The following COMMD1 variants were observed in gnomAD, a reference collection of about 807,000 sequenced individuals.
COMMD1 encodes the protein copper metabolism domain containing 1.
A neutral mutation model predicts 17.2 loss-of-function variants in COMMD1; 10 were observed. The observed-to-expected ratio is 0.58, with a 90% CI of 0.36 to 0.99. The LOEUF is 0.99. Among genes scored for constraint, COMMD1 ranks in the 50% least tolerant of loss-of-function variants. The probability of loss-of-function intolerance (pLI) is 0.01; values close to 1 mark genes in which losing one functional copy is unlikely to be tolerated. For synonymous variants in COMMD1, 97 were observed against 91.6 expected (o/e 1.06, Z -0.34); for missense variants, 270 against 231.8 (o/e 1.17, Z -1.07).
chr2:61,925,187 G>C (rs1257014243), intron 1 of COMMD1, among the ~76,000 whole-genome samples: 1 of 151,662 alleles, frequency 6.6e-6, no homozygotes, highest in Non-Finnish European at 1.5e-5. Flanking sequence ...AGGGGAGGGA[G>C]AGAGTGGGGG....
chr2:62,075,050 C>G (rs1052634564), intron 2 of COMMD1, among the ~76,000 whole-genome samples: 2 of 151,830 alleles, frequency 1.3e-5, no homozygotes, highest in African/African-American at 4.8e-5. Flanking sequence ...CCACCACACC[C>G]AGCTAATTTT....
At chr2:61,925,257 A>G (rs941828797) in intron 1 of COMMD1, among the ~76,000 whole-genome samples, 9 of 152,018 alleles carry the variant, frequency 5.9e-5, no homozygotes, top group South Asian at 2.1e-4. Flanking sequence ...TTTTGGCACC[A>G]TAATGTAAGG....
chr2:61,917,957 C>G (rs1366482734), intron 1 of COMMD1, among the ~76,000 whole-genome samples: 1 of 152,178 alleles, frequency 6.6e-6, no homozygotes, highest in Non-Finnish European at 1.5e-5. Context: ...CTTTTGACTT[C>G]TTAGGTCATA....
intron 2 of COMMD1, among the ~76,000 whole-genome samples, chr2:62,077,045 C>T (rs1345759531): frequency 2.0e-5 from 3 of 152,124 alleles, no homozygotes; most frequent in East Asian, 1.9e-4. Context: ...GTGGCAAGAT[C>T]GTTTGAGCCT....
intron 2 of COMMD1, among the ~76,000 whole-genome samples, chr2:62,071,102 T>G (rs960284029): frequency 2.0e-5 from 3 of 152,202 alleles, no homozygotes; most frequent in African/African-American, 7.2e-5. Context: ...CTGCTTATTC[T>G]TATTGTTACT....
chr2:62,056,532 G>A (rs912076489), intron 2 of COMMD1, among the ~76,000 whole-genome samples: 1 of 152,184 alleles, frequency 6.6e-6, no homozygotes, highest in African/African-American at 2.4e-5. Flanking sequence ...GGAGAATGAC[G>A]ACTGTGTTTA....
intron 1 of COMMD1, among the ~76,000 whole-genome samples, chr2:61,919,272 A>G (rs1214963006): frequency 6.6e-6 from 1 of 152,090 alleles, no homozygotes; most frequent in East Asian, 1.9e-4. Flanking sequence ...TCGGCCTCCC[A>G]AAGTGCTGGG....
At chr2:61,923,008 T>C (rs1429973416) in intron 1 of COMMD1, among the ~76,000 whole-genome samples, 5 of 152,224 alleles carry the variant, frequency 3.3e-5, no homozygotes, top group Admixed American at 6.5e-5. Context: ...TAGACTTGGG[T>C]AATGTGGAAG....
chr2:62,115,832 TTTTCTTTC>T (rs772454952), intron 2 of COMMD1, among the ~76,000 whole-genome samples: 5,110 of 134,900 alleles, frequency 0.038, 340 homozygotes, highest in African/African-American at 0.083. Flanking sequence ...TGGGTTTTTT[TTTTCTTTC>T]TTTCTTTCTT....
chr2:62,130,154 C>CA (rs531499822), intron 2 of COMMD1, among the ~76,000 whole-genome samples: 8,404 of 88,920 alleles, frequency 0.095, 316 homozygotes, highest in African/African-American at 0.14. Context: ...GACTCTGTCT[C>CA]AAAAAAAAAA....
chr2:62,095,985 C>T (rs114852532), intron 2 of COMMD1, among the ~76,000 whole-genome samples: 1,677 of 150,162 alleles, frequency 0.011, 33 homozygotes, highest in African/African-American at 0.04. Context: ...CACACACATG[C>T]TCGTGTATGT....
chr2:62,109,997 T>G (rs915270516), intron 2 of COMMD1, among the ~76,000 whole-genome samples: 5 of 135,838 alleles, frequency 3.7e-5, no homozygotes, highest in African/African-American at 1.1e-4. Context: ...ACTCCTGACC[T>G]CAAGTGATCC....
chr2:61,961,570 A>C (rs1242210024), intron 1 of COMMD1, among the ~76,000 whole-genome samples: 1 of 152,198 alleles, frequency 6.6e-6, no homozygotes, highest in Non-Finnish European at 1.5e-5. Context: ...TCTTTGAAAA[A>C]GAAGTTTCCC....
At chr2:62,001,600 A>G (rs1407478067) in intron 2 of COMMD1, among the ~76,000 whole-genome samples, 2 of 152,140 alleles carry the variant, frequency 1.3e-5, no homozygotes, top group East Asian at 1.9e-4. Flanking sequence ...GCCAGCTCAG[A>G]CTTTTAATGA....
chr2:62,092,650 T>G (rs963695634), intron 2 of COMMD1, among the ~76,000 whole-genome samples: 2 of 152,196 alleles, frequency 1.3e-5, no homozygotes, highest in African/African-American at 2.4e-5. Flanking sequence ...CCGTGGTCTT[T>G]GGGGTCGTCA....
At chr2:61,949,896 C>T (rs2103663265) in intron 1 of COMMD1, among the ~76,000 whole-genome samples, 1 of 152,292 alleles carries the variant, frequency 6.6e-6, no homozygotes, top group Non-Finnish European at 1.5e-5. Context: ...TGGCTGCCTG[C>T]CTGCAGACAT....
intron 2 of COMMD1, among the ~76,000 whole-genome samples, chr2:62,091,322 C>T (rs878887444): frequency 6.6e-6 from 1 of 152,200 alleles, no homozygotes; most frequent in Admixed American, 6.5e-5. Flanking sequence ...AAGAATGTCT[C>T]TCCTCATTAG....
chr2:62,054,513 C>T (rs10200965), intron 2 of COMMD1, among the ~76,000 whole-genome samples: 12,784 of 152,026 alleles, frequency 0.084, 1,300 homozygotes, highest in African/African-American at 0.24. Flanking sequence ...ACTATTTAAG[C>T]CAGAAAGAAG....
intron 1 of COMMD1, among the ~76,000 whole-genome samples, chr2:61,969,971 A>G (rs1437528733): frequency 6.6e-6 from 1 of 152,084 alleles, no homozygotes; most frequent in East Asian, 1.9e-4. Context: ...GAGAATAATC[A>G]TAGCGCTGGG....
Sources: allele counts gnomAD v4.1 joint callset (sites outside exome capture counted in the v4.1 genomes callset), GRCh38; gene constraint gnomAD v4.1.1; transcripts MANE v1.5; gene names NCBI Gene and HGNC (gene_info 2026-07-23, HGNC 2026-07-21).